ZFAND4: variants seen among roughly 807,000 people sequenced by gnomAD.
ZFAND4 encodes the protein zinc finger AN1-type containing 4.
A neutral mutation model predicts 64.4 loss-of-function variants in ZFAND4; 43 were observed. The observed-to-expected ratio is 0.67, with a 90% CI of 0.52 to 0.86. ZFAND4 has a LOEUF of 0.86. ZFAND4 is among the 40% of genes least tolerant of loss of function. ZFAND4 has a pLI of 0.00. For synonymous variants in ZFAND4, 296 were observed against 305.7 expected, an observed-to-expected ratio of 0.97 and a Z score of 0.33; for missense variants, 929 against 859.8, an observed-to-expected ratio of 1.08 and a Z score of -1.01.
At chr10:45,644,974 CTTTT>C (rs71515371) in intron 5 of ZFAND4, among the ~76,000 whole-genome samples, 1 of 130,944 alleles carries the variant, frequency 7.6e-6, no homozygotes, top group Admixed American at 7.8e-5. Flanking sequence ...CATGTAAGGT[CTTTT>C]TTTTTTTTTT....
intron 2 of ZFAND4, among the ~76,000 whole-genome samples, chr10:45,661,183 AC>A (rs1184281355): frequency 6.6e-6 from 1 of 152,086 alleles, no homozygotes; most frequent in Non-Finnish European, 1.5e-5. Flanking sequence ...CCTGAGAACA[AC>A]CCTTTGAGAT....
intron 1 of ZFAND4, among the ~76,000 whole-genome samples, chr10:45,669,024 C>G (rs1361936258): frequency 6.6e-6 from 1 of 152,032 alleles, no homozygotes; most frequent in Non-Finnish European, 1.5e-5. Context: ...CAAAAGCTAG[C>G]AGGAGGCAAG....
At chr10:45,663,433 ACAT>A in intron 2 of ZFAND4, 106 bp downstream of exon 2, 1 of 815,502 alleles carries the variant, frequency 1.2e-6, no homozygotes, top group Admixed American at 3.3e-5. Context: ...TCTTATTCTA[ACAT>A]CATATATGTT....
In ZFAND4 at chr10:45,627,027, G is replaced by T; in HGVS notation, c.796C>A (p.His266Asn). The T allele has an allele frequency of 3.7e-6, 6 of 1,606,400 alleles. No homozygotes were observed. Among genetic ancestry groups the T allele is most frequent in the Non-Finnish European group, 5.1e-6 (6 of 1,175,402 alleles). The change falls in exon 7 of 10, where the codon CAC (histidine) becomes AAC (asparagine). Residue 266 changes from histidine to asparagine, a missense_variant. Coordinates refer to ENST00000344646, the MANE Select transcript of ZFAND4 (RefSeq NM_174890.4). ...TTGGGGAGGACCCTTAACAATCGGTGGCGAGATGGTGCAGTGGAACCACTA... is the reference window on the plus strand; with the variant it reads ...TTGGGGAGGACCCTTAACAATCGGTTGCGAGATGGTGCAGTGGAACCACTA... ...PSSGSTAPSR[H>N]RLLRVLPNIG... is the part of the protein sequence containing the mutation.
chr10:45,620,708 A>C (rs2045358373), intron 8 of ZFAND4: 6 of 152,226 alleles, frequency 3.9e-5, no homozygotes, highest in Admixed American at 3.9e-4. Context: ...CTGGCATTTA[A>C]GGTATTATTA....
Position 45,626,179 on chromosome 10 carries a change from A to G in ZFAND4, c.1644T>C (p.Asp548=). 2 of 1,614,196 alleles carry G rather than the reference A, an allele frequency of 1.2e-6. No individual in the cohort carries two copies. Among genetic ancestry groups the G allele is most frequent in the Non-Finnish European group, 1.7e-6 (2 of 1,180,034 alleles). The change falls in exon 7 of 10, where the codon GAT becomes GAC. Residue 548 remains aspartate, a synonymous_variant. Transcript: ENST00000344646. ...SDVISKVEAR[D]ITEMTNKASK... The stretch of plus-strand genomic sequence containing the variant: ...AAGCCTTGTTAGTCATTTCTGTGAT[A>G]TCCCGAGCCTCAACTTTGGAAATAA...
At chr10:45,652,952 C>T (rs775309060) in intron 3 of ZFAND4, 32 bp downstream of exon 3, 11 of 1,552,188 alleles carry the variant, frequency 7.1e-6, no homozygotes, top group Middle Eastern at 1.7e-4. Context: ...TACTAAGTGC[C>T]TACAAAACAG....
chr10:45,649,099 T>C (rs2047588456), intron 4 of ZFAND4: 1 of 220,302 alleles, frequency 4.5e-6, no homozygotes, highest in African/African-American at 2.4e-5. Flanking sequence ...AAACCCCGTC[T>C]CTACTAAAAA....
Position 45,626,790 on chromosome 10 carries a change from C to G in ZFAND4, c.1033G>C (p.Glu345Gln). The G allele has an allele frequency of 6.2e-7, 1 of 1,614,188 alleles. No homozygotes were observed. Residue 345 changes from glutamate to glutamine, a missense_variant, in exon 7 of 10, where the codon GAG (glutamate) becomes CAG (glutamine). Coordinates refer to ENST00000344646, the MANE Select transcript of ZFAND4 (RefSeq NM_174890.4). ...GCAAGCTCCTGGTCATTTCCCAACTCCAAATGGGGTATCTGAGGAGGTAGT... is the reference window on the plus strand; with the variant it reads ...GCAAGCTCCTGGTCATTTCCCAACTGCAAATGGGGTATCTGAGGAGGTAGT... ...VKLPPQIPHLELGNDQELADS... is the reference protein window; with the variant it reads ...VKLPPQIPHLQLGNDQELADS...
At chr10:45,653,439 A>G (rs762609944) in intron 2 of ZFAND4, among the ~76,000 whole-genome samples, 4 of 152,238 alleles carry the variant, frequency 2.6e-5, no homozygotes, top group Non-Finnish European at 5.9e-5. Flanking sequence ...CAAAGATCTA[A>G]TATCTACGAT....
chr10:45,621,345 A>G (rs1028405102), intron 8 of ZFAND4, among the ~76,000 whole-genome samples: 1 of 151,994 alleles, frequency 6.6e-6, no homozygotes, highest in Non-Finnish European at 1.5e-5. Flanking sequence ...GCTCTACTGC[A>G]GCTAGCAGCT....
Position 45,626,797 on chromosome 10 carries a change from G to C in ZFAND4, c.1026C>G (p.Pro342=). 2 of 1,614,198 alleles carry C rather than the reference G, an allele frequency of 1.2e-6. No homozygotes were observed. Among genetic ancestry groups the C allele is most frequent in the Non-Finnish European group, 1.7e-6 (2 of 1,180,036 alleles). Residue 342 remains proline (P), a synonymous_variant, in exon 7 of 10, where the codon CCC becomes CCG. Coordinates refer to ENST00000344646, the MANE Select transcript of ZFAND4 (RefSeq NM_174890.4). ...CCTGGTCATTTCCCAACTCCAAATG[G>C]GGTATCTGAGGAGGTAGTTTGACGT... ...SSNVKLPPQI[P]HLELGNDQEL...
chr10:45,653,098 C>A, intron 2 of ZFAND4, 39 bp from the exon 3 acceptor site: 6 of 1,404,914 alleles, frequency 4.3e-6, no homozygotes, highest in South Asian at 1.2e-5. Context: ...TTAAAGAATT[C>A]AATAGCATCT....
At chr10:45,653,243 G>T (rs1055956367) in intron 2 of ZFAND4, among the ~76,000 whole-genome samples, 184 bp from the exon 3 acceptor site, 4 of 152,056 alleles carry the variant, frequency 2.6e-5, no homozygotes, top group Non-Finnish European at 5.9e-5. Context: ...AGGAGATATA[G>T]TCCAATCCAT....
intron 2 of ZFAND4, among the ~76,000 whole-genome samples, chr10:45,658,906 G>A (rs184879105): frequency 2.2e-4 from 33 of 152,216 alleles, no homozygotes; most frequent in Non-Finnish European, 3.5e-4. Context: ...TGAACAAACC[G>A]AAAACCAACA....
chr10:45,639,694 AG>A (rs1290804949), intron 6 of ZFAND4, 121 bp downstream of exon 6: 5 of 1,252,124 alleles, frequency 4.0e-6, no homozygotes, highest in Non-Finnish European at 5.3e-6. Flanking sequence ...TAAATAACTG[AG>A]GCCAGAAACC....
At chr10:45,625,691 G>A (rs181286263) in intron 7 of ZFAND4, among the ~76,000 whole-genome samples, 1 of 152,176 alleles carries the variant, frequency 6.6e-6, no homozygotes, top group Non-Finnish European at 1.5e-5. Flanking sequence ...AGGAGTTTGA[G>A]GAGTACAACA....
At chr10:45,634,200 T>C (rs2046400680) in intron 6 of ZFAND4, among the ~76,000 whole-genome samples, 1 of 152,324 alleles carries the variant, frequency 6.6e-6, no homozygotes, top group African/African-American at 2.4e-5. Flanking sequence ...TATTAATTGA[T>C]GAATCTAGTC....
chr10:45,624,737 G>T, intron 7 of ZFAND4, 100 bp from the exon 8 acceptor site: 1 of 970,104 alleles, frequency 1.0e-6, no homozygotes, highest in Non-Finnish European at 1.5e-6. Context: ...AGATGCTGTT[G>T]GACTTTCATT....
Sources: gnomAD v4.1 joint callset for allele counts (sites outside exome capture counted in the v4.1 genomes callset) on GRCh38, gnomAD v4.1.1 for gene constraint, MANE v1.5 for transcripts, NCBI Gene and HGNC (gene_info 2026-07-23, HGNC 2026-07-21) for gene names.